Variants in NCS1 observed in about 807,000 individuals in gnomAD.
NCS1 encodes the protein frequenin homolog.
A neutral mutation model predicts 28.4 loss-of-function variants in NCS1; 6 were observed. The observed-to-expected ratio is 0.21, with a 90% CI of 0.12 to 0.42. NCS1 has a LOEUF of 0.42. Among genes scored for constraint, NCS1 ranks in the 10% least tolerant of loss-of-function variants. The pLI, the probability that NCS1 is intolerant of heterozygous loss-of-function variation, is 1.00. For synonymous variants in NCS1, 86 were observed against 99.3 expected, an observed-to-expected ratio of 0.87 and a Z score of 0.79; for missense variants, 131 against 241.4, an observed-to-expected ratio of 0.54 and a Z score of 3.03.
intron 1 of NCS1, among the ~76,000 whole-genome samples, chr9:130,194,383 G>A (rs1292404002): frequency 6.6e-6 from 1 of 152,174 alleles, no homozygotes; most frequent in Non-Finnish European, 1.5e-5. Flanking sequence ...TGTGGGGTAC[G>A]AGCCTGGAGT....
intron 1 of NCS1, among the ~76,000 whole-genome samples, chr9:130,179,129 C>T (rs939135293): frequency 6.6e-6 from 1 of 151,606 alleles, no homozygotes; most frequent in Non-Finnish European, 1.5e-5. Context: ...GACGGGGTTT[C>T]ACCATATTGG....
At chr9:130,216,399 G>C (rs145282366) in intron 2 of NCS1, among the ~76,000 whole-genome samples, 4 of 152,140 alleles carry the variant, frequency 2.6e-5, no homozygotes, top group Admixed American at 6.5e-5. Flanking sequence ...TCCTCTCTCT[G>C]AGCCTGTTTC....
chr9:130,217,210 A>C (rs1440704370), intron 2 of NCS1, among the ~76,000 whole-genome samples: 1 of 152,234 alleles, frequency 6.6e-6, no homozygotes, highest in African/African-American at 2.4e-5. Flanking sequence ...TTCCGGCGTC[A>C]GCCACGTAGG....
rs556375458 is a variant in NCS1, at chr9:130,181,116, T to C, written c.64+8389T>C. On this transcript the variant is annotated intron_variant, in intron 1 of 7. Coordinates refer to ENST00000372398, the MANE Select transcript of NCS1 (RefSeq NM_014286.4). The surrounding 1 kb of genome is among the most constrained non-coding windows in gnomAD (Gnocchi z 5.0). ...TCTGTACCATGTTCAAATTCCCAGA[T>C]AGTGAGACCCAGTGGGGAAGGTACG... Among the ~76,000 whole-genome samples the C allele has an allele frequency of 6.6e-6, 1 of 152,120 alleles. No homozygotes were observed. The highest frequency in any genetic ancestry group is 1.5e-5 in the Non-Finnish European group (1 of 68,012).
intron 1 of NCS1, among the ~76,000 whole-genome samples, chr9:130,173,977 TCTC>T (rs1456846596): frequency 3.9e-5 from 6 of 152,230 alleles, no homozygotes; most frequent in East Asian, 1.9e-4. Context: ...TGCTGGCCCT[TCTC>T]CTGTGGAATC....
In NCS1 at chr9:130,200,226, C is replaced by T. The variant is rs116694049; in HGVS notation, c.65-732C>T. 1.7e-3 allele frequency among the ~76,000 whole-genome samples: 261 copies of T among 152,296 alleles called. 4 individuals are homozygous for T. Among genetic ancestry groups the T allele is most frequent in the African/African-American group, 5.8e-3 (239 of 41,560 alleles). ...GTGGCCTTGGTGGTGGTTTGGTGTTCTTGTTCGGTGACTTTAGAGAGAACA... is the reference window on the plus strand; with the variant it reads ...GTGGCCTTGGTGGTGGTTTGGTGTTTTTGTTCGGTGACTTTAGAGAGAACA... On this transcript the variant is annotated intron_variant, in intron 1 of 7. Coordinates refer to ENST00000372398, the MANE Select transcript of NCS1 (RefSeq NM_014286.4).
chr9:130,221,393 T>C (rs1331920427), intron 4 of NCS1, among the ~76,000 whole-genome samples: 9 of 56,704 alleles, frequency 1.6e-4, no homozygotes, highest in African/African-American at 5.9e-4. Flanking sequence ...TATATATATA[T>C]ATATATATAT....
At chr9:130,216,486 C>T (rs368574630) in intron 2 of NCS1, among the ~76,000 whole-genome samples, 43 of 152,284 alleles carry the variant, frequency 2.8e-4, no homozygotes, top group African/African-American at 9.1e-4. Flanking sequence ...GAGGCCGAGG[C>T]GGGCAGATCT....
intron 4 of NCS1, among the ~76,000 whole-genome samples, 164 bp from the exon 5 acceptor site, chr9:130,222,486 G>A (rs1316439734): frequency 1.3e-5 from 2 of 152,052 alleles, no homozygotes; most frequent in African/African-American, 4.8e-5. Flanking sequence ...AATGGTGTGT[G>A]TGTGTCTGTC....
At chr9:130,201,100 G>T in intron 2 of NCS1, 118 bp downstream of exon 2, 1 of 1,340,738 alleles carries the variant, frequency 7.5e-7, no homozygotes, top group South Asian at 1.2e-5. Flanking sequence ...AGGGGCCCCT[G>T]AGCGTGGGGT....
intron 1 of NCS1, 86 bp from the exon 2 acceptor site, chr9:130,200,872 G>C (rs1832936977): frequency 2.5e-6 from 4 of 1,575,892 alleles, no homozygotes; most frequent in African/African-American, 2.7e-5. Flanking sequence ...GGGAGGGCTG[G>C]AGGGGAGGCC....
At chr9:130,231,901 C>T (rs1483147002) in intron 7 of NCS1, among the ~76,000 whole-genome samples, 2 of 151,586 alleles carry the variant, frequency 1.3e-5, no homozygotes, top group African/African-American at 2.4e-5. Flanking sequence ...AGGTAGCCAT[C>T]CTAGTGGGTG....
chr9:130,212,090 A>G (rs1833121121), intron 2 of NCS1, among the ~76,000 whole-genome samples: 1 of 151,966 alleles, frequency 6.6e-6, no homozygotes, highest in African/African-American at 2.4e-5. Flanking sequence ...ACCTCCAGAA[A>G]CCTCAGTTTC....
chr9:130,191,576 T>TG lies in NCS1; in HGVS notation c.65-9378dup, dbSNP rs1564705111. Among the ~76,000 whole-genome samples, 1 of 152,114 alleles carries TG rather than the reference T, an allele frequency of 6.6e-6. No homozygotes were observed. Among genetic ancestry groups the TG allele is most frequent in the Non-Finnish European group, 1.5e-5 (1 of 68,006 alleles). ...CTGGTCAGCTGGATGGCCGTGGGCA[T>TG]GGGGCTCCCCTGATGAGCCCAGGTG... On this transcript the variant is annotated intron_variant, in intron 1 of 7. Transcript: ENST00000372398. This position sits in a 1 kb window ranked among gnomAD's most constrained non-coding sequence, Gnocchi z 6.4.
chr9:130,211,978 G>A (rs895618999), intron 2 of NCS1, among the ~76,000 whole-genome samples: 2 of 152,136 alleles, frequency 1.3e-5, no homozygotes, highest in African/African-American at 2.4e-5. Context: ...CTCTGGTGCC[G>A]AGAAGGAAGC....
intron 2 of NCS1, among the ~76,000 whole-genome samples, chr9:130,202,037 T>G (rs1026591127): frequency 1.1e-4 from 17 of 152,208 alleles, no homozygotes; most frequent in Non-Finnish European, 2.2e-4. Flanking sequence ...ATGTTCTCCC[T>G]GCCTTCACAC....
In NCS1 at chr9:130,209,098, G is replaced by A. The variant is rs1298664718; in HGVS notation, c.89+8116G>A. On this transcript the variant is annotated intron_variant, in intron 2 of 7. Coordinates refer to ENST00000372398, the MANE Select transcript of NCS1 (RefSeq NM_014286.4). The surrounding 1 kb of genome is among the most constrained non-coding windows in gnomAD (Gnocchi z 4.4). ...GGGGAGGGGCATGCCACTGGAGAGAGTTGTTTGAAGAGATAATGGGAGAAT... is the reference window on the plus strand; with the variant it reads ...GGGGAGGGGCATGCCACTGGAGAGAATTGTTTGAAGAGATAATGGGAGAAT... Among the ~76,000 whole-genome samples, 1 of 152,204 alleles carries A rather than the reference G, an allele frequency of 6.6e-6. No individual in the cohort carries two copies. Among genetic ancestry groups the A allele is most frequent in the African/African-American group, 2.4e-5 (1 of 41,442 alleles).
chr9:130,221,391 TATATATATATATATATATATATAG>T (rs1259262112), intron 4 of NCS1, among the ~76,000 whole-genome samples: 4 of 36,404 alleles, frequency 1.1e-4, no homozygotes, highest in South Asian at 9.5e-4. Context: ...TATATATATA[TATATATATATATATATATATATAG>T]AGAGAGAGAG....
In NCS1 at chr9:130,233,934, C is replaced by G. The variant is rs373779620; in HGVS notation, c.*962C>G. ...TTCCCTGCTGCCTCTGTCCCCGCAT[C>G]CTTGTTCTCCCCTGGGTCCGTAACA... On this transcript the variant is annotated 3_prime_UTR_variant, in exon 8 of 8. Coordinates refer to ENST00000372398, the MANE Select transcript of NCS1 (RefSeq NM_014286.4). This position sits in a 1 kb window ranked among gnomAD's most constrained non-coding sequence, Gnocchi z 4.8. 6.6e-6 allele frequency: 1 copy of G among 152,232 alleles called. No individual in the cohort carries two copies. Among genetic ancestry groups the G allele is most frequent in the African/African-American group, 2.4e-5 (1 of 41,418 alleles). The allele number at this position is 152,232 out of a possible 1,614,324, so 9.4% of individuals were successfully genotyped here. A position where few individuals can be genotyped will look rare whatever the true frequency, so the allele number is the denominator to read the frequency against.
Sources: gnomAD v4.1 joint callset for allele counts (sites outside exome capture counted in the v4.1 genomes callset) on GRCh38, gnomAD v4.1.1 for gene constraint, Gnocchi (gnomAD v3.1) non-coding constraint, MANE v1.5 for transcripts, NCBI Gene and HGNC (gene_info 2026-07-23, HGNC 2026-07-21) for gene names.